Variants in AZI2 observed in about 807,000 individuals in gnomAD.
AZI2 encodes 5-azacytidine induced 2.
Under a neutral mutation model 45.8 loss-of-function variants are expected in AZI2, and 22 were observed. The ratio of observed to expected loss-of-function variants is 0.48; its 90% CI spans 0.34 to 0.69. The LOEUF is 0.69. Ranked by LOEUF, AZI2 falls within the 30% of genes least tolerant of loss-of-function variation. The probability of loss-of-function intolerance (pLI) is 0.01; values close to 1 mark genes in which losing one functional copy is unlikely to be tolerated. For missense variants in AZI2, 417 were observed against 441.5 expected (o/e 0.94, Z 0.50); for synonymous variants, 137 against 156.7 (o/e 0.87, Z 0.94).
At chr3:28,340,202 C>T (rs535940736) in intron 2 of AZI2, among the ~76,000 whole-genome samples, 200 bp downstream of exon 2, 2 of 151,796 alleles carry the variant, frequency 1.3e-5, no homozygotes, top group South Asian at 4.2e-4. Flanking sequence ...TTGTTAAATC[C>T]TCTCCTACAA....
chr3:28,334,246 A>C (rs1351734516), intron 5 of AZI2, among the ~76,000 whole-genome samples: 1 of 151,898 alleles, frequency 6.6e-6, no homozygotes, highest in Non-Finnish European at 1.5e-5. Flanking sequence ...TCATCTTAAA[A>C]ATTTTTTTTA....
At chr3:28,324,759 A>T (rs1048065379) in intron 7 of AZI2, 2 of 236,782 alleles carry the variant, frequency 8.4e-6, no homozygotes, top group African/African-American at 4.5e-5. Flanking sequence ...AAAGATGAAG[A>T]ACTACATATT....
intron 6 of AZI2, among the ~76,000 whole-genome samples, chr3:28,331,173 A>G (rs1703556092): frequency 6.6e-6 from 1 of 151,442 alleles, no homozygotes; most frequent in African/African-American, 2.4e-5. Flanking sequence ...CTTCAAATGT[A>G]CTATTTATAT....
At position 28,321,537 on chromosome 3, in the gene AZI2, ATC is replaced by A. The variant is rs1703189641; in HGVS notation, c.*2503_*2504del. On this transcript the variant is annotated 3_prime_UTR_variant, in exon 8 of 8. Transcript: ENST00000479665. Reference sequence around the variant, plus strand: ...ACTGAAGATTTTTTTCACCTGGTACATCTGTCTCAGTTGTGTCTTGCTTGCTT... The same window carrying A: ...ACTGAAGATTTTTTTCACCTGGTACATGTCTCAGTTGTGTCTTGCTTGCTT... 6.6e-6 allele frequency: 1 copy of A among 151,360 alleles called. No homozygotes were observed. The highest frequency in any genetic ancestry group is 1.5e-5 in the Non-Finnish European group (1 of 67,560). The allele number at this position is 151,360 out of a possible 1,614,324, so 9.4% of individuals were successfully genotyped here.
At chr3:28,331,853 G>C in intron 6 of AZI2, 1 of 1,546,804 alleles carries the variant, frequency 6.5e-7, no homozygotes, top group East Asian at 2.5e-5. Context: ...TATGAACTCT[G>C]ATGGCTACTT....
chr3:28,336,068 T>C (rs1490926082), intron 5 of AZI2, among the ~76,000 whole-genome samples: 1 of 152,104 alleles, frequency 6.6e-6, no homozygotes, highest in Non-Finnish European at 1.5e-5. Flanking sequence ...TCTGAAAACA[T>C]AGATCCAAGC....
chr3:28,332,311 A>G (rs1289428250), intron 6 of AZI2, 58 bp downstream of exon 6: 1 of 1,481,586 alleles, frequency 6.7e-7, no homozygotes, highest in African/African-American at 1.4e-5. Context: ...AAGGACCTAC[A>G]CAAAGTGACT....
rs1703300173 is a variant in AZI2, at chr3:28,324,353, G to A, written c.868C>T (p.Pro290Ser). The A allele has an allele frequency of 6.3e-7, 1 of 1,597,198 alleles. No homozygotes were observed. The highest frequency in any genetic ancestry group is 8.5e-7 in the Non-Finnish European group (1 of 1,170,956). ...GTATGACAAAGAGCTTTGCCATTTG[G>A]TAAGAGAGGGGGATGTCTTGTGTAT... ...ATYTRHPPLL[P>S]NGKALCHTTS... Residue 290 changes from proline to serine, a missense_variant, in exon 8 of 8, where the codon CCA becomes TCA. Coordinates refer to ENST00000479665, the MANE Select transcript of AZI2 (RefSeq NM_022461.5).
chr3:28,329,807 A>G (rs568469899), intron 6 of AZI2, among the ~76,000 whole-genome samples: 2 of 151,238 alleles, frequency 1.3e-5, no homozygotes, highest in Non-Finnish European at 3.0e-5. Flanking sequence ...TTTTATTGCA[A>G]GGCACAGCAA....
At chr3:28,342,268 A>G (rs1704046189) in intron 1 of AZI2, among the ~76,000 whole-genome samples, 1 of 152,080 alleles carries the variant, frequency 6.6e-6, no homozygotes, top group African/African-American at 2.4e-5. Flanking sequence ...TGTGTATACT[A>G]CAAGTCTTGA....
At chr3:28,331,009 G>C (rs1400684293) in intron 6 of AZI2, among the ~76,000 whole-genome samples, 1 of 151,204 alleles carries the variant, frequency 6.6e-6, no homozygotes, top group Non-Finnish European at 1.5e-5. Flanking sequence ...CCAAATCCTG[G>C]CACAGAGATT....
intron 6 of AZI2, among the ~76,000 whole-genome samples, chr3:28,330,472 T>C (rs775021825): frequency 5.9e-5 from 9 of 151,374 alleles, no homozygotes; most frequent in Non-Finnish European, 1.3e-4. Flanking sequence ...AACTAATCTG[T>C]CATCTGAATT....
chr3:28,347,744 A>G (rs1201201867), intron 1 of AZI2, among the ~76,000 whole-genome samples: 1 of 152,202 alleles, frequency 6.6e-6, no homozygotes, highest in African/African-American at 2.4e-5. Context: ...ATTTGGAAAT[A>G]TCCTGTAAAG....
intron 5 of AZI2, 104 bp downstream of exon 5, chr3:28,336,633 T>A (rs1326306342): frequency 8.3e-7 from 1 of 1,209,024 alleles, no homozygotes; most frequent in Non-Finnish European, 1.1e-6. Flanking sequence ...CTCTAAATAA[T>A]TACAATTTAT....
rs577141541 is a variant in AZI2, at chr3:28,322,668, CCT to C, written c.*1372_*1373del. On this transcript the variant is annotated 3_prime_UTR_variant, in exon 8 of 8. Coordinates refer to ENST00000479665, the MANE Select transcript of AZI2 (RefSeq NM_022461.5). ...ATTACTTGGCAGGAGATTGTACTCC[CCT>C]GAGTCAGCTGTGTTCATTGGTCAGA... The C allele has an allele frequency of 1.2e-3, 181 of 151,616 alleles. No individual in the cohort carries two copies. The highest frequency in any genetic ancestry group is 9.3e-3 in the East Asian group (48 of 5,136). 9.4% of individuals were successfully genotyped at this position (151,616 alleles called of 1,614,324 possible).
At chr3:28,333,956 T>C (rs1424745868) in intron 5 of AZI2, among the ~76,000 whole-genome samples, 1 of 151,510 alleles carries the variant, frequency 6.6e-6, no homozygotes, top group Non-Finnish European at 1.5e-5. Flanking sequence ...TTAATTTTAC[T>C]GATCTAGTAT....
At position 28,329,807 on chromosome 3, in the gene AZI2, A is replaced by C. The variant is rs568469899; in HGVS notation, c.647+2562T>G. Among the ~76,000 whole-genome samples, 243 of 151,354 alleles carry C rather than the reference A, an allele frequency of 1.6e-3. 3 individuals are homozygous for C. The highest frequency in any genetic ancestry group is 5.5e-3 in the African/African-American group (229 of 41,442). On this transcript the variant is annotated intron_variant, in intron 6 of 7. Coordinates refer to ENST00000479665, the MANE Select transcript of AZI2 (RefSeq NM_022461.5). ...CAAGTGGCTCTCATTTTTTATTGCA[A>C]GGCACAGCAAGAATCATTTTACACT...
rs753285091 is a variant in AZI2 at position 28,324,276 on chromosome 3, G to T, written c.945C>A (p.Ile315=). ...GDVKVLSEKA[I]LQSWTDNERS... is the part of the protein sequence containing the mutation. ...TCTCATTGTCTGTCCATGATTGGAGGATTGCTTTCTCTGATAAAACCTTTA... is the reference window on the plus strand; with the variant it reads ...TCTCATTGTCTGTCCATGATTGGAGTATTGCTTTCTCTGATAAAACCTTTA... Residue 315 remains isoleucine, a synonymous_variant, in exon 8 of 8, where the codon ATC becomes ATA. Transcript: ENST00000479665. 1 of 1,608,906 alleles carries T rather than the reference G, an allele frequency of 6.2e-7. No individual in the cohort carries two copies. The highest frequency in any genetic ancestry group is 8.5e-7 in the Non-Finnish European group (1 of 1,176,530).
At chr3:28,333,830 A>C (rs905465384) in intron 5 of AZI2, among the ~76,000 whole-genome samples, 5 of 151,690 alleles carry the variant, frequency 3.3e-5, no homozygotes, top group African/African-American at 4.8e-5. Context: ...TTGGGAAATA[A>C]TGTTCAAGTT....
Sources: gnomAD v4.1 joint callset for allele counts (sites outside exome capture counted in the v4.1 genomes callset) on GRCh38, gnomAD v4.1.1 for gene constraint, MANE v1.5 for transcripts, NCBI Gene and HGNC (gene_info 2026-07-23, HGNC 2026-07-21) for gene names.